The following EMC8 variants were observed in gnomAD, a reference collection of about 807,000 sequenced individuals.
The protein encoded by EMC8 is COX4 neighbor.
Under a neutral mutation model 24.3 loss-of-function variants are expected in EMC8, and 11 were observed. The observed-to-expected ratio is 0.45, with a 90% CI of 0.28 to 0.75. The LOEUF is 0.75. Among genes scored for constraint, EMC8 ranks in the 30% least tolerant of loss-of-function variants. The pLI is 0.12. For missense variants in EMC8, 277 were observed against 282.7 expected (o/e 0.98, Z 0.14); for synonymous variants, 145 against 117.7 (o/e 1.23, Z -1.50).
chr16:85,794,182 A>T (rs1415047507), intron 1 of EMC8, among the ~76,000 whole-genome samples: 1 of 152,218 alleles, frequency 6.6e-6, no homozygotes, highest in African/African-American at 2.4e-5. Flanking sequence ...GGCTCTAAAC[A>T]CTGAGAGTTT....
intron 2 of EMC8, among the ~76,000 whole-genome samples, chr16:85,783,788 T>TG (rs764049889): frequency 6.6e-6 from 1 of 152,142 alleles, no homozygotes; most frequent in East Asian, 1.9e-4. Flanking sequence ...GCTTCCCCTC[T>TG]TTCAGTGCCC....
At position 85,780,380 on chromosome 16, in the gene EMC8, G is replaced by A. The variant is rs1301632121; in HGVS notation, c.472C>T (p.His158Tyr). The change falls in exon 4 of 5, where the codon CAT becomes TAT. Residue 158 changes from histidine to tyrosine, a missense_variant and splice_region_variant. His to Tyr is a moderately conservative substitution (Grantham distance 83). Transcript: ENST00000253457. ...ENRWRCRDPHHDYCEDWPEAQ... is the reference protein window; with the variant it reads ...ENRWRCRDPHYDYCEDWPEAQ... ...CGCGGCAGCATGGGGCGCACTCACT[G>A]GTGTGGGTCTCTGCACCGCCATCTG... 1 of 1,612,958 alleles carries A rather than the reference G, an allele frequency of 6.2e-7. No homozygotes were observed. The highest frequency in any genetic ancestry group is 1.1e-5 in the South Asian group (1 of 91,062).
chr16:85,794,928 G>A (rs1221941130), intron 1 of EMC8, among the ~76,000 whole-genome samples: 5 of 152,202 alleles, frequency 3.3e-5, no homozygotes, highest in African/African-American at 1.2e-4. Flanking sequence ...TCAGGTAGCA[G>A]GCAGTCACTG....
chr16:85,798,860 G>A (rs1905418570), intron 1 of EMC8: 2 of 526,404 alleles, frequency 3.8e-6, no homozygotes, highest in Admixed American at 6.5e-5. Flanking sequence ...ATCCACGACG[G>A]TTAAAGTCGC....
chr16:85,779,980 G>C (rs755223586), intron 4 of EMC8, 113 bp from the exon 5 acceptor site: 3 of 816,060 alleles, frequency 3.7e-6, no homozygotes, highest in Non-Finnish European at 6.0e-6. Flanking sequence ...AGATGGTGCA[G>C]AGTACTGAGA....
chr16:85,790,420 C>G (rs1222050455), intron 1 of EMC8, among the ~76,000 whole-genome samples: 3 of 152,188 alleles, frequency 2.0e-5, no homozygotes, highest in Admixed American at 6.5e-5. Context: ...CCCAAAAGAT[C>G]AGGATTATGT....
intron 1 of EMC8, among the ~76,000 whole-genome samples, chr16:85,797,542 T>C (rs981445411): frequency 2.0e-5 from 3 of 152,374 alleles, no homozygotes; most frequent in East Asian, 1.9e-4. Context: ...CTAAGTATTA[T>C]AATCATCTGA....
intron 1 of EMC8, among the ~76,000 whole-genome samples, chr16:85,791,069 C>A (rs1024359626): frequency 2.0e-5 from 3 of 152,214 alleles, no homozygotes; most frequent in African/African-American, 7.2e-5. Flanking sequence ...TTCAAGCAAT[C>A]CTCCTGCCTT....
intron 2 of EMC8, among the ~76,000 whole-genome samples, chr16:85,787,971 T>G (rs1378000634): frequency 6.6e-6 from 1 of 152,230 alleles, no homozygotes; most frequent in Non-Finnish European, 1.5e-5. Flanking sequence ...TTCTCATCTG[T>G]GCTGAGCAAG....
At chr16:85,780,880 T>C (rs1366424204) in intron 3 of EMC8, 4 of 449,326 alleles carry the variant, frequency 8.9e-6, no homozygotes, top group Non-Finnish European at 1.6e-5. Flanking sequence ...ATCTAGAAGG[T>C]GTCTTAACAT....
chr16:85,792,444 G>T (rs1597207500), intron 1 of EMC8: 1 of 152,198 alleles, frequency 6.6e-6, no homozygotes, highest in African/African-American at 2.4e-5. Flanking sequence ...GCTATGAGGG[G>T]TGCACACAGC....
intron 1 of EMC8, among the ~76,000 whole-genome samples, chr16:85,796,458 A>G (rs1437827981): frequency 6.6e-6 from 1 of 152,050 alleles, no homozygotes. Flanking sequence ...TGTCTCCAGC[A>G]TCCTTTCTGC....
chr16:85,797,758 A>ACTTACAC (rs1192141268), intron 1 of EMC8, among the ~76,000 whole-genome samples: 1 of 152,226 alleles, frequency 6.6e-6, no homozygotes, highest in African/African-American at 2.4e-5. Flanking sequence ...AAGAAATTCT[A>ACTTACAC]CTTACACCTT....
intron 2 of EMC8, among the ~76,000 whole-genome samples, chr16:85,784,197 A>G (rs1175374104): frequency 6.6e-6 from 1 of 152,024 alleles, no homozygotes; most frequent in African/African-American, 2.4e-5. Flanking sequence ...ATGGGGTTTC[A>G]CCGTGTTAGC....
chr16:85,796,040 T>G (rs1240292663), intron 1 of EMC8, among the ~76,000 whole-genome samples: 1 of 152,122 alleles, frequency 6.6e-6, no homozygotes, highest in Non-Finnish European at 1.5e-5. Context: ...TACGCAGTCC[T>G]CAAGTGCTAA....
intron 3 of EMC8, chr16:85,780,861 A>G (rs1178922392): frequency 4.5e-6 from 2 of 443,202 alleles, no homozygotes; most frequent in East Asian, 4.4e-5. Context: ...GCATGTTCAG[A>G]CCAGAATCAT....
chr16:85,798,082 T>G (rs143495191), intron 1 of EMC8, among the ~76,000 whole-genome samples: 133 of 151,362 alleles, frequency 8.8e-4, no homozygotes, highest in Non-Finnish European at 1.6e-3. Context: ...GGACAGATCG[T>G]CTGCTCCTGC....
intron 1 of EMC8, among the ~76,000 whole-genome samples, chr16:85,790,477 C>T (rs568092604): frequency 1.3e-5 from 2 of 152,304 alleles, no homozygotes; most frequent in East Asian, 1.9e-4. Flanking sequence ...TTGCTGAAAA[C>T]AACTCCAAAA....
At chr16:85,788,743 A>G (rs1345637914) in intron 2 of EMC8, among the ~76,000 whole-genome samples, 2 of 152,248 alleles carry the variant, frequency 1.3e-5, no homozygotes, top group African/African-American at 2.4e-5. Flanking sequence ...AATTCCCTTC[A>G]TGCAAAATAA....
Sources: gnomAD v4.1 joint callset for allele counts (sites outside exome capture counted in the v4.1 genomes callset) on GRCh38, gnomAD v4.1.1 for gene constraint, MANE v1.5 for transcripts, NCBI Gene and HGNC (gene_info 2026-07-23, HGNC 2026-07-21) for gene names.